C18orf32: variants seen among roughly 807,000 people sequenced by gnomAD.
The protein encoded by C18orf32 is chromosome 18 open reading frame 32.
C18orf32 carries 5 observed loss-of-function variants against 7.4 expected under a neutral mutation model. The observed-to-expected ratio is 0.68, with a 90% CI of 0.35 to 1.42. The LOEUF (loss-of-function observed/expected upper bound fraction) is 1.42, where lower values mean the gene tolerates loss of function less well. Ranked by LOEUF, C18orf32 falls within the 40% of genes most tolerant of loss-of-function variation. The probability of loss-of-function intolerance (pLI) is 0.04; values close to 1 mark genes in which losing one functional copy is unlikely to be tolerated. For synonymous variants in C18orf32, 30 were observed against 29.3 expected, an observed-to-expected ratio of 1.02 and a Z score of -0.08; for missense variants, 88 against 92.4, an observed-to-expected ratio of 0.95 and a Z score of 0.19.
At chr18:49,486,712 G>A (rs1322355221) in intron 1 of C18orf32, 2 of 152,074 alleles carry the variant, frequency 1.3e-5, no homozygotes, top group African/African-American at 4.8e-5. Flanking sequence ...AAAGTCTGAG[G>A]CTCCATCCGA....
At chr18:49,483,906 G>C in intron 1 of C18orf32, 135 bp from the exon 2 acceptor site, 3 of 1,039,982 alleles carry the variant, frequency 2.9e-6, no homozygotes, top group Non-Finnish European at 4.0e-6. Context: ...GGAGGCAAGA[G>C]GATAGCTTGA....
In C18orf32 at chr18:49,483,787, A is replaced by G. The variant is rs1351349846; in HGVS notation, c.-23-16T>C. Reference sequence around the variant, plus strand: ...AGCTCCTCAACTGTTGATATATGTGAAGAAAAAAATTAGTTCATCACAGAT... The same window carrying G: ...AGCTCCTCAACTGTTGATATATGTGGAGAAAAAAATTAGTTCATCACAGAT... On this transcript the variant is annotated splice_polypyrimidine_tract_variant and intron_variant, in intron 1 of 2. Transcript: ENST00000318240. 1.2e-5 allele frequency: 19 copies of G among 1,582,024 alleles called. No individual in the cohort carries two copies. Among genetic ancestry groups the G allele is most frequent in the Non-Finnish European group, 1.6e-5 (19 of 1,172,724 alleles).
At position 49,487,209 on chromosome 18, in the gene C18orf32, G is replaced by A. The variant is rs61746384; in HGVS notation, c.-190C>T. 2,821 of 152,968 alleles carry A rather than the reference G, an allele frequency of 0.018. 30 individuals are homozygous for A. The highest frequency in any genetic ancestry group is 0.027 in the Non-Finnish European group (1,876 of 68,266). The allele number at this position is 152,968 out of a possible 1,614,324, so 9.5% of individuals were successfully genotyped here. On this transcript the variant is annotated 5_prime_UTR_variant, in exon 1 of 3. Coordinates refer to ENST00000318240, the MANE Select transcript of C18orf32 (RefSeq NM_001035005.4). ...GCCGCTAGCCCGGGCACACTCACCC[G>A]CGACCGCGGAAACGCAGCTGACAAT...
intron 2 of C18orf32, among the ~76,000 whole-genome samples, 196 bp downstream of exon 2, chr18:49,483,388 C>T (rs1476130440): frequency 6.6e-6 from 1 of 152,146 alleles, no homozygotes; most frequent in Admixed American, 6.5e-5. Flanking sequence ...ACTTACCAGT[C>T]AGAAAATATG....
At position 49,478,697 on chromosome 18, in the gene C18orf32, T is replaced by A. The variant is rs187389722; in HGVS notation, c.*3648A>T. 2 of 150,532 alleles carry A rather than the reference T, an allele frequency of 1.3e-5. 1 individual carries two copies. The highest frequency in any genetic ancestry group is 5.0e-5 in the African/African-American group (2 of 39,820). The allele number at this position is 150,532 out of a possible 1,614,324, so 9.3% of individuals were successfully genotyped here. On this transcript the variant is annotated 3_prime_UTR_variant, in exon 3 of 3. Transcript: ENST00000318240. ...TTACTAAAAAGGCAGCCCTGACCTT[T>A]ACACAGACAGATGTTGATATTTTAG...
chr18:49,483,508 C>T, intron 2 of C18orf32, 76 bp downstream of exon 2: 1 of 1,473,862 alleles, frequency 6.8e-7, no homozygotes, highest in Non-Finnish European at 9.0e-7. Flanking sequence ...TAAAACTTGT[C>T]CTTCCAAAAT....
Position 49,480,296 on chromosome 18 carries a change from G to T in C18orf32, c.*2049C>A, listed in dbSNP as rs1431354046. ...TGATGCCGCTGCACTCCAGCACCTG[G>T]GTGACAGTGAGACCCTGTCTCAAAA... On this transcript the variant is annotated 3_prime_UTR_variant, in exon 3 of 3. Transcript: ENST00000318240. The T allele has an allele frequency of 2.0e-5, 3 of 151,488 alleles. No homozygotes were observed. The highest frequency in any genetic ancestry group is 4.4e-5 in the Non-Finnish European group (3 of 67,894). The allele number at this position is 151,488 out of a possible 1,614,324, so 9.4% of individuals were successfully genotyped here.
At chr18:49,485,411 G>A (rs1187487481) in intron 1 of C18orf32, among the ~76,000 whole-genome samples, 3 of 151,954 alleles carry the variant, frequency 2.0e-5, no homozygotes, top group Non-Finnish European at 2.9e-5. Flanking sequence ...AAAATTAGCT[G>A]GGCGTGGTGG....
rs1355278777 is a variant in C18orf32 at position 49,477,985 on chromosome 18, A to C, written c.*4360T>G. 1 of 148,370 alleles carries C rather than the reference A, an allele frequency of 6.7e-6. No individual in the cohort carries two copies. The highest frequency in any genetic ancestry group is 1.5e-5 in the Non-Finnish European group (1 of 67,878). The allele number at this position is 148,370 out of a possible 1,614,324, so 9.2% of individuals were successfully genotyped here. A position where few individuals can be genotyped will look rare whatever the true frequency, so the allele number is the denominator to read the frequency against. On this transcript the variant is annotated 3_prime_UTR_variant, in exon 3 of 3. Coordinates refer to ENST00000318240, the MANE Select transcript of C18orf32 (RefSeq NM_001035005.4). Reference sequence around the variant, plus strand: ...AGCTGTGATGGCTCCTTAGCATGAAAGTATGACCTTGAAATCTTAGACTTG... The same window carrying C: ...AGCTGTGATGGCTCCTTAGCATGAACGTATGACCTTGAAATCTTAGACTTG...
intron 1 of C18orf32, among the ~76,000 whole-genome samples, chr18:49,485,045 G>A (rs1471246662): frequency 6.6e-6 from 1 of 152,066 alleles, no homozygotes; most frequent in African/African-American, 2.4e-5. Context: ...TCATGCCACT[G>A]CATTCCAGCC....
intron 1 of C18orf32, among the ~76,000 whole-genome samples, chr18:49,485,600 G>A (rs2083732220): frequency 6.6e-6 from 1 of 151,800 alleles, no homozygotes; most frequent in East Asian, 1.9e-4. Context: ...TCAATTGCTG[G>A]GGCAATAGTG....
rs545933431 is a variant in C18orf32 at position 49,482,147 on chromosome 18, T to C, written c.*198A>G. ...AAGCTACATTAACGAAAAAGGAACT[T>C]AGGAATGAGGTCATTAAATATAACT... On this transcript the variant is annotated 3_prime_UTR_variant, in exon 3 of 3. Coordinates refer to ENST00000318240, the MANE Select transcript of C18orf32 (RefSeq NM_001035005.4). 41 of 529,342 alleles carry C rather than the reference T, an allele frequency of 7.7e-5. No individual in the cohort carries two copies. The highest frequency in any genetic ancestry group is 1.1e-4 in the Non-Finnish European group (33 of 302,398). 32.8% of individuals were successfully genotyped at this position (529,342 alleles called of 1,614,324 possible).
chr18:49,484,147 A>T (rs1176539894), intron 1 of C18orf32, among the ~76,000 whole-genome samples: 5 of 65,596 alleles, frequency 7.6e-5, no homozygotes, highest in African/African-American at 4.1e-4. Flanking sequence ...AAAAAAAAAA[A>T]ATATATATAT....
At chr18:49,482,800 C>CTTTT (rs11454920) in intron 2 of C18orf32, among the ~76,000 whole-genome samples, 2 of 130,190 alleles carry the variant, frequency 1.5e-5, no homozygotes, top group African/African-American at 5.8e-5. Context: ...CTGTCTCTCT[C>CTTTT]TTTTTTTTTT....
intron 1 of C18orf32, 36 bp from the exon 2 acceptor site, chr18:49,483,807 A>T (rs779031886): frequency 2.5e-6 from 4 of 1,576,366 alleles, no homozygotes; most frequent in Non-Finnish European, 3.4e-6. Flanking sequence ...TTAGTTCATC[A>T]CAGATTAGTA....
chr18:49,482,927 T>G (rs1421863072), intron 2 of C18orf32, among the ~76,000 whole-genome samples: 1 of 151,206 alleles, frequency 6.6e-6, no homozygotes, highest in Non-Finnish European at 1.5e-5. Context: ...GCCTCCTGAG[T>G]AGCTGAGATT....
rs2083651181 is a variant in C18orf32 at position 49,480,418 on chromosome 18, G to A, written c.*1927C>T. The stretch of plus-strand genomic sequence containing the variant: ...GCTCAGTAGGTAAAACCTTTGAGGA[G>A]CAAAGAAGTAGGGACAATTAGAAAC... On this transcript the variant is annotated 3_prime_UTR_variant, in exon 3 of 3. Transcript: ENST00000318240. 6.6e-6 allele frequency: 1 copy of A among 152,032 alleles called. No homozygotes were observed. The highest frequency in any genetic ancestry group is 2.4e-5 in the African/African-American group (1 of 41,396). The allele number at this position is 152,032 out of a possible 1,614,324, so 9.4% of individuals were successfully genotyped here. A position where few individuals can be genotyped will look rare whatever the true frequency, so the allele number is the denominator to read the frequency against.
At position 49,483,769 on chromosome 18, in the gene C18orf32, C is replaced by T; in HGVS notation, c.-21G>A. On this transcript the variant is annotated splice_region_variant and 5_prime_UTR_variant, in exon 2 of 3. Coordinates refer to ENST00000318240, the MANE Select transcript of C18orf32 (RefSeq NM_001035005.4). ...ACCATTTTCCCAAGCTTGAGCTCCT[C>T]AACTGTTGATATATGTGAAGAAAAA... is the stretch of plus-strand genomic sequence containing the variant. 6.3e-7 allele frequency: 1 copy of T among 1,599,256 alleles called. No individual in the cohort carries two copies. Among genetic ancestry groups the T allele is most frequent in the Non-Finnish European group, 8.5e-7 (1 of 1,176,884 alleles).
Position 49,480,800 on chromosome 18 carries a change from A to G in C18orf32, c.*1545T>C, listed in dbSNP as rs1014473938. ...ACATAAATAAATAAAAATGATGTGC[A>G]TATTTAAGAACAAATTAATTTTCAA... On this transcript the variant is annotated 3_prime_UTR_variant, in exon 3 of 3. Transcript: ENST00000318240. 2 of 152,198 alleles carry G rather than the reference A, an allele frequency of 1.3e-5. No individual in the cohort carries two copies. The highest frequency in any genetic ancestry group is 4.8e-5 in the African/African-American group (2 of 41,446). 9.4% of individuals were successfully genotyped at this position (152,198 alleles called of 1,614,324 possible). A position where few individuals can be genotyped will look rare whatever the true frequency, so the allele number is the denominator to read the frequency against.
Sources: allele counts gnomAD v4.1 joint callset (sites outside exome capture counted in the v4.1 genomes callset), GRCh38; gene constraint gnomAD v4.1.1; transcripts MANE v1.5; gene names NCBI Gene and HGNC (gene_info 2026-07-23, HGNC 2026-07-21).